Variants in PCDHGA5 observed in about 807,000 individuals in gnomAD.
PCDHGA5 encodes the protein protocadherin gamma-A5.
PCDHGA5 carries 36 observed loss-of-function variants against 56.7 expected under a neutral mutation model. The observed-to-expected ratio is 0.64, with a 90% CI of 0.49 to 0.84. PCDHGA5 has a LOEUF of 0.84. PCDHGA5 is among the 40% of genes least tolerant of loss of function. The pLI, the probability that PCDHGA5 is intolerant of heterozygous loss-of-function variation, is 0.00. For synonymous variants in PCDHGA5, 563 were observed against 520.2 expected (o/e 1.08, Z -1.12); for missense variants, 1,305 against 1,201.5 (o/e 1.09, Z -1.27).
At chr5:141,376,632 T>G (rs1399941658) in intron 1 of PCDHGA5, 5 of 1,296,946 alleles carry the variant, frequency 3.9e-6, no homozygotes, top group Non-Finnish European at 5.2e-6. Flanking sequence ...GGAAGATTCG[T>G]GATTTTGTAA....
chr5:141,441,937 C>T, intron 1 of PCDHGA5: 1 of 344,792 alleles, frequency 2.9e-6, no homozygotes, highest in Non-Finnish European at 5.6e-6. Context: ...GCTGTCCTAC[C>T]ACGTGCTGCA....
intron 1 of PCDHGA5, chr5:141,374,849 C>T: frequency 6.2e-7 from 1 of 1,613,754 alleles, no homozygotes; most frequent in Non-Finnish European, 8.5e-7. Context: ...TGAAAACCTG[C>T]CAGTAGGCAC....
chr5:141,456,783 C>G (rs1400541298), intron 1 of PCDHGA5, among the ~76,000 whole-genome samples: 3 of 151,802 alleles, frequency 2.0e-5, no homozygotes, highest in African/African-American at 4.8e-5. Flanking sequence ...GCCTACATGG[C>G]AAAACCCCAT....
At chr5:141,421,257 C>T (rs944057868) in intron 1 of PCDHGA5, 1 of 1,608,520 alleles carries the variant, frequency 6.2e-7, no homozygotes, top group African/African-American at 1.3e-5. Context: ...GCGGGGACCG[C>T]AGTCGGCTGC....
chr5:141,489,148 C>G lies in PCDHGA5; in HGVS notation c.2422-5659C>G. 1 of 895,318 alleles carries G rather than the reference C, an allele frequency of 1.1e-6. No individual in the cohort carries two copies. Among genetic ancestry groups the G allele is most frequent in the Non-Finnish European group, 1.7e-6 (1 of 589,254 alleles). The allele number at this position is 895,318 out of a possible 1,614,324, so 55.5% of individuals were successfully genotyped here. A position where few individuals can be genotyped will look rare whatever the true frequency, so the allele number is the denominator to read the frequency against. ...CAGTTTTTAAGAGGCTGGAAGGAGA[C>G]ATAAGAGACTTCAGCTGCTGCATTC... On this transcript the variant is annotated intron_variant, in intron 1 of 3. Transcript: ENST00000518069. This position sits in a 1 kb window ranked among gnomAD's most constrained non-coding sequence, Gnocchi z 4.5.
At position 141,493,323 on chromosome 5, in the gene PCDHGA5, C is replaced by T. The variant is rs542332335; in HGVS notation, c.2422-1484C>T. Among the ~76,000 whole-genome samples the T allele has an allele frequency of 6.6e-6, 1 of 152,294 alleles. No homozygotes were observed. The highest frequency in any genetic ancestry group is 6.5e-5 in the Admixed American group (1 of 15,300). On this transcript the variant is annotated intron_variant, in intron 1 of 3. Transcript: ENST00000518069. The surrounding 1 kb of genome is among the most constrained non-coding windows in gnomAD (Gnocchi z 4.3). ...AGAGCAAGTAAGAGAGATTCTAACC[C>T]CTGTCTAACTCCAGAATGTGTGCTT...
rs746642302 is a variant in PCDHGA5, at chr5:141,491,107, A to G, written c.2422-3700A>G. The stretch of plus-strand genomic sequence containing the variant: ...AGCCCCAGGACTGTTCCTCGTGTCT[A>G]CACACACTGGTGAGGTGCGCACAGC... On this transcript the variant is annotated intron_variant, in intron 1 of 3. Coordinates refer to ENST00000518069, the MANE Select transcript of PCDHGA5 (RefSeq NM_018918.3). The surrounding 1 kb of genome is among the most constrained non-coding windows in gnomAD (Gnocchi z 6.9). 2.5e-6 allele frequency: 4 copies of G among 1,614,148 alleles called. No homozygotes were observed. Among genetic ancestry groups the G allele is most frequent in the Non-Finnish European group, 2.5e-6 (3 of 1,180,014 alleles).
intron 1 of PCDHGA5, chr5:141,400,114 A>G: frequency 6.2e-7 from 1 of 1,614,074 alleles, no homozygotes; most frequent in Admixed American, 1.7e-5. Context: ...CTTTGCTGAC[A>G]GCTTGCAGGA....
rs2099521625 is a variant in PCDHGA5, at chr5:141,480,568, G to A, written c.2422-14239G>A. 2.0e-5 allele frequency among the ~76,000 whole-genome samples: 3 copies of A among 152,338 alleles called. No individual in the cohort carries two copies. The South Asian group carries it at 6.2e-4, about 32-fold the overall frequency. Reference sequence around the variant, plus strand: ...AAAGGCTAAGAAAGCATGAAAGCCAGCAAGAAATAACTGCCGCTCTTCTGG... The same window carrying A: ...AAAGGCTAAGAAAGCATGAAAGCCAACAAGAAATAACTGCCGCTCTTCTGG... On this transcript the variant is annotated intron_variant, in intron 1 of 3. Coordinates refer to ENST00000518069, the MANE Select transcript of PCDHGA5 (RefSeq NM_018918.3).
intron 1 of PCDHGA5, chr5:141,385,640 A>G (rs917789862): frequency 1.2e-6 from 1 of 803,664 alleles, no homozygotes; most frequent in South Asian, 4.4e-5. Context: ...CGAGTCTTTC[A>G]TATTGCACAA....
chr5:141,421,634 A>G (rs771759412), intron 1 of PCDHGA5: 12 of 1,613,714 alleles, frequency 7.4e-6, no homozygotes, highest in South Asian at 1.1e-5. Context: ...AGCTTCCAGG[A>G]GGACGAAGTG....
At chr5:141,440,106 T>A (rs1288263875) in intron 1 of PCDHGA5, 1 of 152,228 alleles carries the variant, frequency 6.6e-6, no homozygotes, top group East Asian at 1.9e-4. Flanking sequence ...AGTGGAGACT[T>A]ACTTGTGAAT....
intron 1 of PCDHGA5, chr5:141,426,680 T>C (rs1261836011): frequency 2.3e-6 from 1 of 431,334 alleles, no homozygotes; most frequent in East Asian, 7.2e-5. Flanking sequence ...CACCTCATTT[T>C]CCCCAAAATA....
chr5:141,370,966 A>T (rs1417305082), intron 1 of PCDHGA5: 1 of 1,614,000 alleles, frequency 6.2e-7, no homozygotes, highest in Middle Eastern at 1.6e-4. Flanking sequence ...GGCAGTAGGT[A>T]CCCAGAGCTA....
rs1057107770 is a variant in PCDHGA5 at position 141,387,795 on chromosome 5, T to C, written c.2421+21044T>C. 28 of 1,499,168 alleles carry C rather than the reference T, an allele frequency of 1.9e-5. No homozygotes were observed. In the African/African-American group the frequency reaches 2.5e-4, roughly 13 times the overall value. The allele number at this position is 1,499,168 out of a possible 1,614,324, so 92.9% of individuals were successfully genotyped here. A position where few individuals can be genotyped will look rare whatever the true frequency, so the allele number is the denominator to read the frequency against. On this transcript the variant is annotated intron_variant, in intron 1 of 3. Transcript: ENST00000518069. ...TCTTGAACTGGAACTGCAACTAAAG[T>C]CCGTTCGGAGATCCAAAAATCTGCA... is the stretch of plus-strand genomic sequence containing the variant.
At chr5:141,396,767 G>A (rs900685366) in intron 1 of PCDHGA5, 1 of 152,338 alleles carries the variant, frequency 6.6e-6, no homozygotes, top group East Asian at 1.9e-4. Context: ...ATAAATGTTT[G>A]TTATTAATGA....
In PCDHGA5 at chr5:141,456,878, G is replaced by T. The variant is rs71583646; in HGVS notation, c.2422-37929G>T. On this transcript the variant is annotated intron_variant, in intron 1 of 3. Coordinates refer to ENST00000518069, the MANE Select transcript of PCDHGA5 (RefSeq NM_018918.3). ...ATTGGGAGGCTGAGGCAGGAGAATCGCTTGAACCCGGGAGGCAGAGGTTGC... is the reference window on the plus strand; with the variant it reads ...ATTGGGAGGCTGAGGCAGGAGAATCTCTTGAACCCGGGAGGCAGAGGTTGC... Among the ~76,000 whole-genome samples, 307 of 152,160 alleles carry T rather than the reference G, an allele frequency of 2.0e-3. 1 individual carries two copies. The highest frequency in any genetic ancestry group is 0.01 in the Middle Eastern group (3 of 294).
chr5:141,389,146 C>T (rs567517174), intron 1 of PCDHGA5: 17 of 1,613,996 alleles, frequency 1.1e-5, no homozygotes, highest in East Asian at 2.2e-5. Context: ...ATAACCGTTA[C>T]GGCAACAGAT....
rs1296142784 is a variant in PCDHGA5 at position 141,431,302 on chromosome 5, C to T, written c.2422-63505C>T. ...GCCCGAACACTCACTTCTCCCTCAT[C>T]GTGCAAAATGGAGCCGACGGTAGTA... is the stretch of plus-strand genomic sequence containing the variant. On this transcript the variant is annotated intron_variant, in intron 1 of 3. Coordinates refer to ENST00000518069, the MANE Select transcript of PCDHGA5 (RefSeq NM_018918.3). This position sits in a 1 kb window ranked among gnomAD's most constrained non-coding sequence, Gnocchi z 4.8. 2 of 1,614,028 alleles carry T rather than the reference C, an allele frequency of 1.2e-6. No individual in the cohort carries two copies. Among genetic ancestry groups the T allele is most frequent in the African/African-American group, 1.3e-5 (1 of 74,946 alleles).
Sources: allele counts gnomAD v4.1 joint callset (sites outside exome capture counted in the v4.1 genomes callset), GRCh38; gene constraint gnomAD v4.1.1; non-coding constraint Gnocchi (gnomAD v3.1); transcripts MANE v1.5; gene names NCBI Gene and HGNC (gene_info 2026-07-23, HGNC 2026-07-21).